ELAVL2: variants seen among roughly 807,000 people sequenced by gnomAD.
ELAVL2 encodes ELAV-like protein 2.
ELAVL2 carries 4 observed loss-of-function variants against 34.6 expected under a neutral mutation model. The observed-to-expected ratio is 0.12, with a 90% CI of 0.06 to 0.26. The LOEUF (loss-of-function observed/expected upper bound fraction) is 0.26. Ranked by LOEUF, ELAVL2 falls within the 10% of genes least tolerant of loss-of-function variation. The pLI is 1.00. For missense variants in ELAVL2, 432 were observed against 442.8 expected, an observed-to-expected ratio of 0.98 and a Z score of 0.22; for synonymous variants, 193 against 154.8, an observed-to-expected ratio of 1.25 and a Z score of -1.83.
intron 1 of ELAVL2, among the ~76,000 whole-genome samples, chr9:23,795,041 A>C (rs1337876453): frequency 6.6e-6 from 1 of 152,246 alleles, no homozygotes; most frequent in Non-Finnish European, 1.5e-5. Context: ...ATCAACTGCT[A>C]TCAAAACAAA....
At chr9:23,753,191 C>T (rs931248271) in intron 2 of ELAVL2, among the ~76,000 whole-genome samples, 50 of 152,206 alleles carry the variant, frequency 3.3e-4, no homozygotes, top group African/African-American at 1.2e-3. Flanking sequence ...TAAAGTTGAC[C>T]TTTTGAGCTG....
At position 23,762,001 on chromosome 9, in the gene ELAVL2, C is replaced by A; in HGVS notation, c.229+5G>T. 6.2e-7 allele frequency: 1 copy of A among 1,609,392 alleles called. No homozygotes were observed. The highest frequency in any genetic ancestry group is 8.5e-7 in the Non-Finnish European group (1 of 1,177,438). ...AATATAAATCATCTACATAAAACTG[C>A]TTACCTGTTATTTTGTCTCTTACAA... On this transcript the variant is annotated splice_donor_5th_base_variant and intron_variant, in intron 2 of 6. Transcript: ENST00000397312.
rs1377437925 is a variant in ELAVL2, at chr9:23,821,088, C to T, written c.-16+4718G>A. ...AGGCGCCGTAGCAAGTGGGCACACA[C>T]CAGACACCACCCCGGCGTGTTCCGC... On this transcript the variant is annotated intron_variant, in intron 1 of 6. Coordinates refer to ENST00000397312, the MANE Select transcript of ELAVL2 (RefSeq NM_004432.5). 6.6e-5 allele frequency: 10 copies of T among 152,634 alleles called. No homozygotes were observed. The South Asian group carries it at 1.4e-3, about 22-fold the overall frequency. The allele number at this position is 152,634 out of a possible 1,614,324, so 9.5% of individuals were successfully genotyped here. A position where few individuals can be genotyped will look rare whatever the true frequency, so the allele number is the denominator to read the frequency against.
intron 3 of ELAVL2, among the ~76,000 whole-genome samples, chr9:23,720,436 G>A (rs529142882): frequency 6.6e-6 from 1 of 152,064 alleles, no homozygotes; most frequent in South Asian, 2.1e-4. Context: ...CAAAGTGCTG[G>A]GATTACAGGT....
chr9:23,735,210 G>A (rs895152358), intron 2 of ELAVL2: 4 of 149,108 alleles, frequency 2.7e-5, no homozygotes, highest in Admixed American at 6.8e-5. Flanking sequence ...TCAATGCCAC[G>A]TGTCCTCAGC....
At chr9:23,697,872 C>A (rs183936817) in intron 5 of ELAVL2, among the ~76,000 whole-genome samples, 29 of 151,690 alleles carry the variant, frequency 1.9e-4, no homozygotes, top group Middle Eastern at 3.4e-3. Flanking sequence ...TAATGATTAT[C>A]AAAATCTCTC....
intron 2 of ELAVL2, among the ~76,000 whole-genome samples, chr9:23,760,091 G>C (rs1163175659): frequency 6.6e-6 from 1 of 151,658 alleles, no homozygotes; most frequent in Non-Finnish European, 1.5e-5. Context: ...AGGCAAAGGA[G>C]GTGAAGATAA....
the ELAVL2 span, among the ~76,000 whole-genome samples, chr9:23,842,047 G>C: frequency 3.7e-4 from 56 of 152,246 alleles, 1 homozygote; most frequent in South Asian, 0.011. Flanking sequence ...ACATGAAAAT[G>C]AAAATCTACA....
intron 2 of ELAVL2, among the ~76,000 whole-genome samples, chr9:23,757,935 A>G (rs2135855371): frequency 6.6e-6 from 1 of 152,254 alleles, no homozygotes; most frequent in East Asian, 1.9e-4. Context: ...TTTCCTAACT[A>G]GATATTTTTG....
intron 2 of ELAVL2, among the ~76,000 whole-genome samples, chr9:23,750,708 A>T (rs1316263992): frequency 6.6e-6 from 1 of 152,192 alleles, no homozygotes; most frequent in East Asian, 1.9e-4. Context: ...TCTCTCATTT[A>T]TATTCAAAAT....
chr9:23,750,058 G>C (rs953233062), intron 2 of ELAVL2, among the ~76,000 whole-genome samples: 7 of 149,352 alleles, frequency 4.7e-5, no homozygotes, highest in African/African-American at 1.7e-4. Context: ...CTCTTTAAAA[G>C]TCGGTTGTCC....
At chr9:23,716,705 A>T (rs1160286248) in intron 3 of ELAVL2, among the ~76,000 whole-genome samples, 2 of 152,196 alleles carry the variant, frequency 1.3e-5, no homozygotes, top group Non-Finnish European at 2.9e-5. Flanking sequence ...GAGAAAGGAA[A>T]TGTATAGTTA....
intron 3 of ELAVL2, among the ~76,000 whole-genome samples, chr9:23,723,937 T>C (rs763042319): frequency 1.3e-5 from 2 of 152,192 alleles, no homozygotes; most frequent in Non-Finnish European, 2.9e-5. Context: ...ATTACTTCTG[T>C]GGCTTTCCCC....
chr9:23,801,873 A>C (rs1342490001), intron 1 of ELAVL2, among the ~76,000 whole-genome samples: 6 of 152,146 alleles, frequency 3.9e-5, no homozygotes, highest in Non-Finnish European at 8.8e-5. Flanking sequence ...TCTTCTAACA[A>C]GCGCTGCAAA....
upstream of ELAVL2, among the ~76,000 whole-genome samples, chr9:23,827,847 C>A (rs1209104270): frequency 6.6e-6 from 1 of 152,058 alleles, no homozygotes; most frequent in East Asian, 1.9e-4. Flanking sequence ...TCCCGTGTAG[C>A]CTGTATAACA....
chr9:23,732,603 C>T (rs926547823), intron 2 of ELAVL2, among the ~76,000 whole-genome samples: 1 of 152,120 alleles, frequency 6.6e-6, no homozygotes, highest in East Asian at 1.9e-4. Context: ...ATGCATTGTG[C>T]CCCTCTTATG....
chr9:23,781,336 G>T (rs965920745), intron 1 of ELAVL2, among the ~76,000 whole-genome samples: 1 of 152,090 alleles, frequency 6.6e-6, no homozygotes, highest in African/African-American at 2.4e-5. Flanking sequence ...CAAATTAATG[G>T]TCAAAGATAC....
chr9:23,779,385 C>T (rs796958265), intron 1 of ELAVL2: 10 of 985,378 alleles, frequency 1.0e-5, no homozygotes, highest in African/African-American at 8.7e-5. Flanking sequence ...CAACGCCCTG[C>T]CTAAACACTG....
rs368184983 is a variant in ELAVL2 at position 23,806,990 on chromosome 9, G to T, written c.-16+18816C>A. The stretch of plus-strand genomic sequence containing the variant: ...GCTTCCTTCTGCACCTAAGGAAAAG[G>T]GGCTGAAATCTAAAAGCTGTGATGA... On this transcript the variant is annotated intron_variant, in intron 1 of 6. Coordinates refer to ENST00000397312, the MANE Select transcript of ELAVL2 (RefSeq NM_004432.5). 5.3e-5 allele frequency among the ~76,000 whole-genome samples: 8 copies of T among 152,178 alleles called. No homozygotes were observed. In the South Asian group the frequency reaches 1.2e-3, roughly 24 times the overall value.
Sources: gnomAD v4.1 joint callset for allele counts (sites outside exome capture counted in the v4.1 genomes callset) on GRCh38, gnomAD v4.1.1 for gene constraint, MANE v1.5 for transcripts, NCBI Gene and HGNC (gene_info 2026-07-23, HGNC 2026-07-21) for gene names.